CNTNAP5: variants seen among roughly 807,000 people sequenced by gnomAD.
CNTNAP5 encodes contactin associated protein family member 5.
Under a neutral mutation model 150.2 loss-of-function variants are expected in CNTNAP5, and 72 were observed. The ratio of observed to expected loss-of-function variants is 0.48; its 90% confidence interval spans 0.40 to 0.58. The LOEUF (loss-of-function observed/expected upper bound fraction) is 0.58. CNTNAP5 is among the 20% of genes least tolerant of loss of function. The pLI is 0.00. For missense variants in CNTNAP5, 1,636 were observed against 1,626.2 expected, an observed-to-expected ratio of 1.01 and a Z score of -0.10; for synonymous variants, 672 against 619.8, an observed-to-expected ratio of 1.08 and a Z score of -1.25.
chr2:124,635,389 C>T (rs1462259443), intron 12 of CNTNAP5, among the ~76,000 whole-genome samples: 1 of 152,120 alleles, frequency 6.6e-6, no homozygotes, highest in Non-Finnish European at 1.5e-5. Context: ...TCATCTCTAA[C>T]ATTGGAGATG....
chr2:124,285,468 G>A (rs554080300), intron 3 of CNTNAP5, among the ~76,000 whole-genome samples: 1 of 152,198 alleles, frequency 6.6e-6, no homozygotes, highest in South Asian at 2.1e-4. Context: ...CTCATCTACA[G>A]TTTTAGACTT....
intron 13 of CNTNAP5, among the ~76,000 whole-genome samples, chr2:124,703,595 C>T (rs1405429587): frequency 6.6e-6 from 1 of 152,250 alleles, no homozygotes; most frequent in East Asian, 1.9e-4. Flanking sequence ...ACTTAACTAC[C>T]TGGTCACCTT....
At chr2:124,707,115 A>G (rs1196678552) in intron 13 of CNTNAP5, among the ~76,000 whole-genome samples, 136 of 99,072 alleles carry the variant, frequency 1.4e-3, no homozygotes, top group Middle Eastern at 5.4e-3. Flanking sequence ...AAGAAGAGGA[A>G]GAAGAAGAAA....
chr2:124,128,676 G>GAT (rs960457504), intron 1 of CNTNAP5, among the ~76,000 whole-genome samples: 1 of 152,126 alleles, frequency 6.6e-6, no homozygotes, highest in African/African-American at 2.4e-5. Context: ...GTCCATCAAT[G>GAT]ATATACTGGA....
At chr2:124,692,458 G>A (rs1679318548) in intron 13 of CNTNAP5, among the ~76,000 whole-genome samples, 1 of 152,060 alleles carries the variant, frequency 6.6e-6, no homozygotes, top group Non-Finnish European at 1.5e-5. Flanking sequence ...TATGGACTCT[G>A]TTTTAAGGCA....
rs1694005255 is a variant in CNTNAP5, at chr2:124,490,819, A to G, written c.1063-13473A>G. Among the ~76,000 whole-genome samples, 3 of 152,088 alleles carry G rather than the reference A, an allele frequency of 2.0e-5. No individual in the cohort carries two copies. In the South Asian group the frequency reaches 6.2e-4, roughly 31 times the overall value. ...ATTTAAATAATATTTGCATCTACTG[A>G]GTTAAATAACCCTGTATTAAAATAT... is the stretch of plus-strand genomic sequence containing the variant. On this transcript the variant is annotated intron_variant, in intron 7 of 23. Transcript: ENST00000682447.
chr2:124,176,282 A>T (rs566171806), intron 1 of CNTNAP5, among the ~76,000 whole-genome samples: 64 of 152,362 alleles, frequency 4.2e-4, no homozygotes, highest in South Asian at 1.0e-3. Context: ...CTGGGGGAAC[A>T]TGAATTAATT....
intron 7 of CNTNAP5, among the ~76,000 whole-genome samples, chr2:124,481,119 G>A (rs56204321): frequency 0.19 from 28,410 of 152,116 alleles, 3,262 homozygotes; most frequent in East Asian, 0.34. Context: ...GGGTTCGGGT[G>A]AGGGCTCCCT....
intron 1 of CNTNAP5, among the ~76,000 whole-genome samples, chr2:124,103,560 G>A (rs550970925): frequency 2.0e-4 from 30 of 151,944 alleles, no homozygotes; most frequent in Admixed American, 3.3e-4. Context: ...GTTTAGCTAT[G>A]TTAAAATACA....
At chr2:124,529,187 C>A (rs1455319557) in intron 10 of CNTNAP5, among the ~76,000 whole-genome samples, 1 of 151,846 alleles carries the variant, frequency 6.6e-6, no homozygotes, top group Non-Finnish European at 1.5e-5. Flanking sequence ...ATTGGCTAGA[C>A]CAATAGTCTT....
At chr2:124,193,701 T>C (rs1353152999) in intron 1 of CNTNAP5, among the ~76,000 whole-genome samples, 2 of 152,206 alleles carry the variant, frequency 1.3e-5, no homozygotes, top group Admixed American at 1.3e-4. Context: ...AATTTCACCC[T>C]AGTATTTCTT....
chr2:124,226,042 T>A (rs1448066037), intron 2 of CNTNAP5, among the ~76,000 whole-genome samples: 1 of 152,186 alleles, frequency 6.6e-6, no homozygotes, highest in Non-Finnish European at 1.5e-5. Flanking sequence ...CGCTTCCGTA[T>A]CTTGGCTGCT....
chr2:124,345,059 G>T (rs1472000664), intron 3 of CNTNAP5, among the ~76,000 whole-genome samples: 1 of 152,186 alleles, frequency 6.6e-6, no homozygotes, highest in Non-Finnish European at 1.5e-5. Context: ...AAAGTGCCAG[G>T]TTTAGGGTAT....
intron 19 of CNTNAP5, among the ~76,000 whole-genome samples, chr2:124,817,531 T>A (rs746024915): frequency 6.6e-6 from 1 of 152,198 alleles, no homozygotes; most frequent in African/African-American, 2.4e-5. Context: ...CTTGATGATG[T>A]TTAAGTCTAT....
chr2:124,811,849 G>T (rs1285589129), intron 19 of CNTNAP5, among the ~76,000 whole-genome samples: 3 of 147,412 alleles, frequency 2.0e-5, no homozygotes, highest in Non-Finnish European at 4.4e-5. Context: ...GGCTGAGGCA[G>T]GAGAATCGCT....
intron 3 of CNTNAP5, among the ~76,000 whole-genome samples, chr2:124,406,740 A>G (rs1691581295): frequency 6.6e-6 from 1 of 152,184 alleles, no homozygotes; most frequent in Non-Finnish European, 1.5e-5. Context: ...AAAATATATA[A>G]TACATGTTGT....
At chr2:124,336,052 A>G (rs75136037) in intron 3 of CNTNAP5, among the ~76,000 whole-genome samples, 2,558 of 152,240 alleles carry the variant, frequency 0.017, 45 homozygotes, top group Non-Finnish European at 0.029. Flanking sequence ...AGGGAGATAA[A>G]AAAAAAACCT....
chr2:124,503,027 C>G (rs1328211345), intron 7 of CNTNAP5, among the ~76,000 whole-genome samples: 1 of 152,194 alleles, frequency 6.6e-6, no homozygotes, highest in Non-Finnish European at 1.5e-5. Context: ...ATCCTATTGC[C>G]TAGCACGGTG....
intron 11 of CNTNAP5, among the ~76,000 whole-genome samples, chr2:124,598,876 C>G (rs1208290486): frequency 6.6e-6 from 1 of 152,070 alleles, no homozygotes; most frequent in African/African-American, 2.4e-5. Flanking sequence ...GTCTGAAAAG[C>G]GCAATATTCG....
Sources: gnomAD v4.1 joint callset for allele counts (sites outside exome capture counted in the v4.1 genomes callset) on GRCh38, gnomAD v4.1.1 for gene constraint, MANE v1.5 for transcripts, NCBI Gene and HGNC (gene_info 2026-07-23, HGNC 2026-07-21) for gene names.